The following LRRC37A variants were observed in gnomAD, a reference collection of about 807,000 sequenced individuals.
The protein encoded by LRRC37A is leucine-rich repeat-containing protein 37A.
In LRRC37A, 3 loss-of-function variants were observed where a neutral mutation model predicts 35.4. The observed-to-expected ratio is 0.08, with a 90% CI of 0.04 to 0.22. The LOEUF is 0.22. Ranked by LOEUF, LRRC37A falls within the 10% of genes least tolerant of loss-of-function variation. The pLI is 1.00. For missense variants in LRRC37A, 67 were observed against 565.3 expected, an observed-to-expected ratio of 0.12 and a Z score of 8.94; for synonymous variants, 23 against 215.0, an observed-to-expected ratio of 0.11 and a Z score of 7.81.
At position 46,330,980 on chromosome 17, in the gene LRRC37A, C is replaced by T. The variant is rs2051903070; in HGVS notation, c.3703C>T (p.Pro1235Ser). The change falls in exon 9 of 14, where the codon CCT becomes TCT. Residue 1235 changes from proline (P) to serine (S), a missense_variant. Physicochemically the swap from Pro to Ser is moderately conservative, Grantham distance 74. Coordinates refer to ENST00000320254, the Ensembl canonical transcript of LRRC37A. ...AGCGGGAAACGCCGTCTACACCAAG[C>T]CTTCGTTCACCCAAGAGCATAAGGC... The T allele has an allele frequency of 2.8e-6, 2 of 724,648 alleles. 1 individual carries two copies. Among genetic ancestry groups the T allele is most frequent in the African/African-American group, 3.7e-5 (2 of 53,648 alleles). 44.9% of individuals were successfully genotyped at this position (724,648 alleles called of 1,614,324 possible).
chr17:46,323,792 T>C lies in LRRC37A; in HGVS notation c.3053+765T>C, dbSNP rs1410859938. On this transcript the variant is annotated intron_variant, in intron 7 of 13. Coordinates refer to ENST00000320254, the Ensembl canonical transcript of LRRC37A. ...TCCATATCTGCAGGTTCCTCATCCA[T>C]AGATTCAACGAACCATGGATGGAGA... Among the ~76,000 whole-genome samples the C allele has an allele frequency of 6.8e-5, 7 of 102,248 alleles. 2 individuals are homozygous for C. Among genetic ancestry groups the C allele is most frequent in the African/African-American group, 2.2e-4 (7 of 31,490 alleles). The allele number at this position is 102,248 out of a possible 152,430, so 67.1% of individuals were successfully genotyped here.
the LRRC37A span, among the ~76,000 whole-genome samples, chr17:46,250,370 C>T: frequency 2.0e-5 from 3 of 152,196 alleles, no homozygotes; most frequent in Admixed American, 2.0e-4. Context: ...TTGAAGGATA[C>T]AAAATATTGA....
the LRRC37A span, among the ~76,000 whole-genome samples, chr17:46,253,880 G>C: frequency 1.3e-5 from 2 of 152,178 alleles, no homozygotes; most frequent in Non-Finnish European, 2.9e-5. Context: ...TAATTTACAA[G>C]CTGTGAATAA....
At chr17:46,267,183 G>T in the LRRC37A span, 1 of 585,552 alleles carries the variant, frequency 1.7e-6, no homozygotes, top group Non-Finnish European at 2.9e-6. Context: ...GCCGCCCCGC[G>T]AGCCTTTCCG....
At chr17:46,249,768 A>G in the LRRC37A span, among the ~76,000 whole-genome samples, 1 of 152,308 alleles carries the variant, frequency 6.6e-6, no homozygotes, top group East Asian at 1.9e-4. Flanking sequence ...AAGCACAGGA[A>G]CTGTCAGAGC....
In LRRC37A at chr17:46,327,441, A is replaced by C. The variant is rs1332758432; in HGVS notation, c.3054-951A>C. On this transcript the variant is annotated intron_variant, in intron 7 of 13. Coordinates refer to ENST00000320254, the Ensembl canonical transcript of LRRC37A. ...AAAATACAAAAGTACAAAAAAAAAA[A>C]AATTAGCTGGGCATGGTGGTGCAAG... 2.6e-4 allele frequency among the ~76,000 whole-genome samples: 7 copies of C among 26,594 alleles called. 3 individuals are homozygous for C. The highest frequency in any genetic ancestry group is 1.1e-3 in the Non-Finnish European group (7 of 6,212). The allele number at this position is 26,594 out of a possible 152,430, so 17.4% of individuals were successfully genotyped here.
the LRRC37A span, chr17:46,268,532 C>A: frequency 6.9e-7 from 1 of 1,453,822 alleles, no homozygotes; most frequent in East Asian, 2.7e-5. Context: ...TGGGCCACAT[C>A]TACCATAAGA....
chr17:46,289,015 T>C (rs1374542035), upstream of LRRC37A, among the ~76,000 whole-genome samples: 4 of 152,166 alleles, frequency 2.6e-5, no homozygotes, highest in Non-Finnish European at 5.9e-5. Context: ...TACTATTGTC[T>C]CAATATGCAT....
At chr17:46,269,663 C>T in the LRRC37A span, among the ~76,000 whole-genome samples, 19 of 152,358 alleles carry the variant, frequency 1.2e-4, no homozygotes, top group African/African-American at 3.8e-4. Context: ...TATTTTCATG[C>T]CTCCCTGCTC....
chr17:46,291,415 G>A (rs1372868788), upstream of LRRC37A, among the ~76,000 whole-genome samples: 3 of 152,070 alleles, frequency 2.0e-5, no homozygotes, highest in Admixed American at 2.0e-4. Flanking sequence ...AGATGCAGAA[G>A]GAGGAAGTGG....
At chr17:46,253,931 G>A in the LRRC37A span, among the ~76,000 whole-genome samples, 2 of 152,020 alleles carry the variant, frequency 1.3e-5, no homozygotes, top group African/African-American at 2.4e-5. Flanking sequence ...AACTGAGAGA[G>A]GATTTGAACC....
the LRRC37A span, among the ~76,000 whole-genome samples, chr17:46,270,423 G>C: frequency 6.6e-6 from 1 of 152,244 alleles, no homozygotes; most frequent in Non-Finnish European, 1.5e-5. Flanking sequence ...GAGATTTCTA[G>C]AGTATTTTCC....
At chr17:46,257,820 CAAAA>C in the LRRC37A span, among the ~76,000 whole-genome samples, 2 of 145,806 alleles carry the variant, frequency 1.4e-5, no homozygotes. Context: ...AGGCCCATGT[CAAAA>C]AAAAAAAAAA....
At chr17:46,272,975 T>C in the LRRC37A span, among the ~76,000 whole-genome samples, 1 of 152,230 alleles carries the variant, frequency 6.6e-6, no homozygotes, top group Non-Finnish European at 1.5e-5. Context: ...CCAAATCCAA[T>C]GTCAAAAACA....
chr17:46,274,434 A>G, the LRRC37A span, among the ~76,000 whole-genome samples: 21 of 152,228 alleles, frequency 1.4e-4, no homozygotes, highest in Non-Finnish European at 3.1e-4. Context: ...TCTACCATGA[A>G]CAATAAACTC....
At position 46,319,212 on chromosome 17, in the gene LRRC37A, A is replaced by ATTTTTTTTTTTT. The variant is rs1225879085; in HGVS notation, c.2907-3084_2907-3073dup. ...GTTCTGAAAAAGTTTATTGTGGTCAATTTTTTTTTTTTTTTTTTTTTTTTT... is the reference window on the plus strand; with the variant it reads ...GTTCTGAAAAAGTTTATTGTGGTCAATTTTTTTTTTTTTTTTTTTTTTTTTTTTTTTTTTTTT... On this transcript the variant is annotated intron_variant, in intron 5 of 13. Transcript: ENST00000320254. Among the ~76,000 whole-genome samples, 8 of 1,640 alleles carry ATTTTTTTTTTTT rather than the reference A, an allele frequency of 4.9e-3. 2 individuals are homozygous for ATTTTTTTTTTTT. Among genetic ancestry groups the ATTTTTTTTTTTT allele is most frequent in the African/African-American group, 0.01 (4 of 400 alleles). The allele number at this position is 1,640 out of a possible 152,430, so 1.1% of individuals were successfully genotyped here. A position where few individuals can be genotyped will look rare whatever the true frequency, so the allele number is the denominator to read the frequency against.
upstream of LRRC37A, among the ~76,000 whole-genome samples, chr17:46,288,140 A>G (rs1469475571): frequency 6.6e-6 from 1 of 151,700 alleles, no homozygotes; most frequent in East Asian, 1.9e-4. Flanking sequence ...TATGTAGTTT[A>G]TCCTGTTACC....
the LRRC37A span, chr17:46,259,596 G>T: frequency 1.3e-6 from 2 of 1,598,340 alleles, no homozygotes; most frequent in South Asian, 2.2e-5. Flanking sequence ...ACCACAGGAG[G>T]TTGGCCCCAG....
upstream of LRRC37A, among the ~76,000 whole-genome samples, chr17:46,287,822 T>C (rs1567855784): frequency 6.6e-6 from 1 of 152,232 alleles, no homozygotes; most frequent in East Asian, 1.9e-4. Context: ...GGCGGAGCTG[T>C]GTAAGTGTGT....
Sources: gnomAD v4.1 joint callset for allele counts (sites outside exome capture counted in the v4.1 genomes callset) on GRCh38, gnomAD v4.1.1 for gene constraint, MANE v1.5 for transcripts, NCBI Gene and HGNC (gene_info 2026-07-23, HGNC 2026-07-21) for gene names.